Variants in CYP19A1 observed in about 807,000 individuals in gnomAD.
CYP19A1 encodes the protein cytochrome P450 family 19 subfamily A member 1.
A neutral mutation model predicts 44.4 loss-of-function variants in CYP19A1; 32 were observed. That is an observed-to-expected ratio of 0.72 (90% CI 0.54 to 0.97). The LOEUF is 0.97. CYP19A1 is among the 50% of genes least tolerant of loss of function. The probability of loss-of-function intolerance (pLI) is 0.00; values close to 1 mark genes in which losing one functional copy is unlikely to be tolerated. For missense variants in CYP19A1, 598 were observed against 637.8 expected, an observed-to-expected ratio of 0.94 and a Z score of 0.67; for synonymous variants, 212 against 215.6, an observed-to-expected ratio of 0.98 and a Z score of 0.14.
At chr15:51,335,606 C>T (rs1420818643) in intron 1 of CYP19A1, among the ~76,000 whole-genome samples, 1 of 152,178 alleles carries the variant, frequency 6.6e-6, no homozygotes, top group Non-Finnish European at 1.5e-5. Flanking sequence ...TCAGCACTTC[C>T]TTATTTCCAG....
chr15:51,216,818 T>C (rs1010312275), intron 6 of CYP19A1, among the ~76,000 whole-genome samples: 1 of 152,190 alleles, frequency 6.6e-6, no homozygotes, highest in Non-Finnish European at 1.5e-5. Flanking sequence ...CTATGTAAGA[T>C]ACTTTAAGTC....
At chr15:51,246,394 T>G (rs927040660) in intron 1 of CYP19A1, among the ~76,000 whole-genome samples, 1 of 152,264 alleles carries the variant, frequency 6.6e-6, no homozygotes, top group South Asian at 2.1e-4. Flanking sequence ...TGCAGAGTGG[T>G]CTCTGCCTGC....
At chr15:51,302,666 A>G (rs929279577) in intron 1 of CYP19A1, among the ~76,000 whole-genome samples, 1 of 152,176 alleles carries the variant, frequency 6.6e-6, no homozygotes, top group Non-Finnish European at 1.5e-5. Flanking sequence ...GTCTGGCTTC[A>G]TAACTAGCAC....
chr15:51,253,190 C>G (rs898368378), intron 1 of CYP19A1, among the ~76,000 whole-genome samples: 1 of 152,134 alleles, frequency 6.6e-6, no homozygotes, highest in Non-Finnish European at 1.5e-5. Flanking sequence ...GATGTGGTTA[C>G]TAGGAGGAAG....
intron 4 of CYP19A1, among the ~76,000 whole-genome samples, chr15:51,223,395 C>T (rs1024482421): frequency 2.0e-5 from 3 of 150,854 alleles, no homozygotes; most frequent in Non-Finnish European, 2.9e-5. Flanking sequence ...CCTTAAAGTG[C>T]CCCTTTCTCT....
At chr15:51,226,736 G>A (rs2032616514) in intron 4 of CYP19A1, among the ~76,000 whole-genome samples, 1 of 151,354 alleles carries the variant, frequency 6.6e-6, no homozygotes, top group South Asian at 2.1e-4. Context: ...GTAATGTCAA[G>A]GGTTAGTCGT....
At chr15:51,255,851 T>C (rs2034493467) in intron 1 of CYP19A1, 1 of 152,210 alleles carries the variant, frequency 6.6e-6, no homozygotes, top group South Asian at 2.1e-4. Flanking sequence ...ATGTGTTTGC[T>C]AAAGAGCTCT....
chr15:51,265,506 G>A lies in CYP19A1; in HGVS notation c.-38-22556C>T, dbSNP rs528166004. ...GAAGACAGGCTGAGGGAGGCAGGGT[G>A]CTCCTGTTAGGGCTCTCTGTGGGAA... is the stretch of plus-strand genomic sequence containing the variant. On this transcript the variant is annotated intron_variant, in intron 1 of 9. Transcript: ENST00000396402. Among the ~76,000 whole-genome samples, 10 of 152,246 alleles carry A rather than the reference G, an allele frequency of 6.6e-5. No individual in the cohort carries two copies. In the South Asian group the frequency reaches 2.1e-3, roughly 32 times the overall value.
At chr15:51,287,312 T>C (rs938464530) in intron 1 of CYP19A1, among the ~76,000 whole-genome samples, 1 of 152,194 alleles carries the variant, frequency 6.6e-6, no homozygotes, top group African/African-American at 2.4e-5. Context: ...TAAACATTGC[T>C]GCGGGGTTCA....
chr15:51,332,908 C>T (rs571130449), intron 1 of CYP19A1, among the ~76,000 whole-genome samples: 2 of 152,300 alleles, frequency 1.3e-5, no homozygotes, highest in East Asian at 3.9e-4. Context: ...CATCCTTAGA[C>T]TTCTGGAATT....
chr15:51,229,738 A>G (rs1316001777), intron 3 of CYP19A1, among the ~76,000 whole-genome samples: 2 of 152,190 alleles, frequency 1.3e-5, no homozygotes, highest in Non-Finnish European at 2.9e-5. Flanking sequence ...ATCATTCTAT[A>G]ATTAAAGCAG....
intron 1 of CYP19A1, among the ~76,000 whole-genome samples, chr15:51,297,868 A>ACACACACACACACC (rs1173662173): frequency 1.0e-4 from 15 of 146,794 alleles, no homozygotes; most frequent in East Asian, 8.1e-4. Context: ...ACACACACAC[A>ACACACACACACACC]CCCTAGGCCT....
chr15:51,293,562 C>G (rs557749098), intron 1 of CYP19A1: 5 of 149,848 alleles, frequency 3.3e-5, no homozygotes, highest in African/African-American at 1.0e-4. Flanking sequence ...CCTCTCCCCA[C>G]GGTCTCCCTC....
chr15:51,275,344 C>T (rs754643001), intron 1 of CYP19A1, among the ~76,000 whole-genome samples: 1 of 152,230 alleles, frequency 6.6e-6, no homozygotes, highest in Non-Finnish European at 1.5e-5. Flanking sequence ...TAAGGAGTCT[C>T]TTCTGTGAAA....
chr15:51,241,712 C>T (rs1009018449), intron 2 of CYP19A1, among the ~76,000 whole-genome samples: 1 of 152,154 alleles, frequency 6.6e-6, no homozygotes, highest in Non-Finnish European at 1.5e-5. Context: ...CTAGAGTTGA[C>T]CCTGTCAGGG....
rs2030758184 is a variant in CYP19A1, at chr15:51,209,831, AC to A, written c.*976del. Reference sequence around the variant, plus strand: ...AGAAGGATAAGGGGATGAGAGGAGTACCCCTTAGAAGTTTGAGCCCATTGGG... The same window carrying A: ...AGAAGGATAAGGGGATGAGAGGAGTACCCTTAGAAGTTTGAGCCCATTGGG... On this transcript the variant is annotated 3_prime_UTR_variant, in exon 10 of 10. Transcript: ENST00000396402. The A allele has an allele frequency of 6.4e-6, 1 of 156,032 alleles. No individual in the cohort carries two copies. The highest frequency in any genetic ancestry group is 1.4e-5 in the Non-Finnish European group (1 of 70,742). 9.7% of individuals were successfully genotyped at this position (156,032 alleles called of 1,614,324 possible).
rs1462265949 is a variant in CYP19A1 at position 51,264,724 on chromosome 15, G to A, written c.-38-21774C>T. Among the ~76,000 whole-genome samples, 3 of 152,176 alleles carry A rather than the reference G, an allele frequency of 2.0e-5. No individual in the cohort carries two copies. The East Asian group carries it at 5.8e-4, about 29-fold the overall frequency. On this transcript the variant is annotated intron_variant, in intron 1 of 9. Transcript: ENST00000396402. ...AACAGGGAATAGGAACTGGGGTGGG[G>A]TGCAGGCAGAAAGTAGTAGCAGTCC...
chr15:51,261,397 A>G (rs1187734220), intron 1 of CYP19A1, among the ~76,000 whole-genome samples: 1 of 152,222 alleles, frequency 6.6e-6, no homozygotes, highest in Non-Finnish European at 1.5e-5. Context: ...AATGTCATCC[A>G]AGACCTTGCA....
chr15:51,285,793 G>A (rs1325209091), intron 1 of CYP19A1, among the ~76,000 whole-genome samples: 2 of 152,166 alleles, frequency 1.3e-5, no homozygotes, highest in Admixed American at 6.5e-5. Context: ...AGAGCTCAGG[G>A]CCTTCACAGC....
Sources: allele counts gnomAD v4.1 joint callset (sites outside exome capture counted in the v4.1 genomes callset), GRCh38; gene constraint gnomAD v4.1.1; transcripts MANE v1.5; gene names NCBI Gene and HGNC (gene_info 2026-07-23, HGNC 2026-07-21).